FILIP1: variants seen among roughly 807,000 people sequenced by gnomAD.
FILIP1 encodes filamin-A-interacting protein 1.
A neutral mutation model predicts 102.1 loss-of-function variants in FILIP1; 61 were observed. The observed-to-expected ratio is 0.60, with a 90% confidence interval of 0.49 to 0.74. FILIP1 has a LOEUF of 0.74. Among genes scored for constraint, FILIP1 ranks in the 30% least tolerant of loss-of-function variants. The pLI is 0.00. For synonymous variants in FILIP1, 491 were observed against 526.9 expected (o/e 0.93, Z 0.93); for missense variants, 1,314 against 1,441.2 (o/e 0.91, Z 1.43).
chr6:75,406,221 A>G (rs1202838907), intron 2 of FILIP1, among the ~76,000 whole-genome samples: 1 of 152,026 alleles, frequency 6.6e-6, no homozygotes, highest in African/African-American at 2.4e-5. Flanking sequence ...GGAAAGGAGG[A>G]CCTCTTATTT....
exon 7 of FILIP1, chr6:75,293,484 G>A (rs1293241117): frequency 6.6e-6 from 1 of 152,102 alleles, no homozygotes; most frequent in Admixed American, 6.5e-5. Context: ...TTATTCATGT[G>A]TCACTCAGAT....
intron 1 of FILIP1, among the ~76,000 whole-genome samples, chr6:75,492,303 AAAT>A (rs1265283052): frequency 6.6e-6 from 1 of 152,234 alleles, no homozygotes. Flanking sequence ...ATTTGTCAAC[AAAT>A]AATATGTTAA....
chr6:75,338,725 C>T (rs1269728028), intron 4 of FILIP1, among the ~76,000 whole-genome samples: 1 of 152,092 alleles, frequency 6.6e-6, no homozygotes, highest in East Asian at 1.9e-4. Context: ...AGCAGAATTC[C>T]CAGAGTTTTT....
At chr6:75,357,448 G>C (rs567042701) in intron 3 of FILIP1, 1 of 152,360 alleles carries the variant, frequency 6.6e-6, no homozygotes, top group South Asian at 2.1e-4. Flanking sequence ...CACAGTTCTG[G>C]ACTAAGCCAC....
chr6:75,471,178 A>AAACAAAC (rs1779316542), intron 1 of FILIP1, among the ~76,000 whole-genome samples: 1 of 146,034 alleles, frequency 6.8e-6, no homozygotes, highest in African/African-American at 2.6e-5. Context: ...AAAAAAAAAA[A>AAACAAAC]AAAAAGAAAA....
At chr6:75,368,855 A>G (rs1775425377) in intron 2 of FILIP1, among the ~76,000 whole-genome samples, 1 of 152,208 alleles carries the variant, frequency 6.6e-6, no homozygotes, top group African/African-American at 2.4e-5. Flanking sequence ...GCAGCAGGAC[A>G]GCGATGGTCA....
intron 4 of FILIP1, among the ~76,000 whole-genome samples, chr6:75,352,809 G>C (rs1403984250): frequency 6.7e-6 from 1 of 149,258 alleles, no homozygotes; most frequent in East Asian, 2.0e-4. Context: ...GCAATTTGTA[G>C]AAAGACTTTT....
chr6:75,320,164 G>T (rs1773600789), intron 4 of FILIP1, among the ~76,000 whole-genome samples: 1 of 152,136 alleles, frequency 6.6e-6, no homozygotes, highest in Non-Finnish European at 1.5e-5. Flanking sequence ...TGTCTTGTTT[G>T]CCCCCTTGCG....
At chr6:75,440,079 A>G (rs1318023278) in intron 1 of FILIP1, among the ~76,000 whole-genome samples, 1 of 152,218 alleles carries the variant, frequency 6.6e-6, no homozygotes, top group Non-Finnish European at 1.5e-5. Flanking sequence ...AAAACATGTA[A>G]TAATTGCATT....
chr6:75,423,660 G>A (rs2998384), intron 1 of FILIP1, among the ~76,000 whole-genome samples: 101,020 of 151,976 alleles, frequency 0.66, 34,122 homozygotes, highest in African/African-American at 0.77. Flanking sequence ...CAACAATGCC[G>A]GACCACACAT....
intron 2 of FILIP1, chr6:75,366,094 T>C (rs1373855524): frequency 6.6e-6 from 1 of 152,228 alleles, no homozygotes; most frequent in Non-Finnish European, 1.5e-5. Context: ...GCTGGGTAAG[T>C]GTACTGAAAA....
At chr6:75,399,994 T>A (rs1038510687) in intron 2 of FILIP1, among the ~76,000 whole-genome samples, 2 of 152,076 alleles carry the variant, frequency 1.3e-5, no homozygotes, top group African/African-American at 4.8e-5. Context: ...ATCAGGACAT[T>A]AAGATGACGG....
chr6:75,297,826 TA>T (rs1772723683), intron 6 of FILIP1, among the ~76,000 whole-genome samples: 1 of 152,240 alleles, frequency 6.6e-6, no homozygotes, highest in Non-Finnish European at 1.5e-5. Context: ...AAAGCATAGA[TA>T]AAGAGTGAAA....
chr6:75,368,943 G>C (rs1775428437), intron 2 of FILIP1, among the ~76,000 whole-genome samples: 1 of 152,174 alleles, frequency 6.6e-6, no homozygotes, highest in Non-Finnish European at 1.5e-5. Flanking sequence ...TGTTGGGGCA[G>C]GCCAGGAACT....
At chr6:75,418,111 T>C (rs1264625240) in intron 1 of FILIP1, among the ~76,000 whole-genome samples, 1 of 152,182 alleles carries the variant, frequency 6.6e-6, no homozygotes, top group African/African-American at 2.4e-5. Flanking sequence ...TGCAGGAGAA[T>C]CACTTGAACC....
At chr6:75,344,286 C>T (rs1178788775) in intron 4 of FILIP1, among the ~76,000 whole-genome samples, 1 of 152,126 alleles carries the variant, frequency 6.6e-6, no homozygotes, top group Non-Finnish European at 1.5e-5. Flanking sequence ...CATGCCAGGC[C>T]ACCTCATCCA....
Position 75,336,781 on chromosome 6 carries a change from A to C in FILIP1, c.629+16758T>G, listed in dbSNP as rs147079789. Among the ~76,000 whole-genome samples the C allele has an allele frequency of 6.6e-4, 100 of 152,330 alleles. 1 individual carries two copies. Among genetic ancestry groups the C allele is most frequent in the African/African-American group, 2.3e-3 (96 of 41,582 alleles). On this transcript the variant is annotated intron_variant, in intron 4 of 5. Transcript: ENST00000237172. Reference sequence around the variant, plus strand: ...CTGTTTAATACCACTAAACGACTACATTCAAAGTTAATTTAAAACTCCACT... The same window carrying C: ...CTGTTTAATACCACTAAACGACTACCTTCAAAGTTAATTTAAAACTCCACT...
chr6:75,488,466 A>G (rs1779859996), intron 1 of FILIP1, among the ~76,000 whole-genome samples: 1 of 151,976 alleles, frequency 6.6e-6, no homozygotes, highest in Non-Finnish European at 1.5e-5. Context: ...ACATAATCCA[A>G]TATACTTTCC....
At chr6:75,358,283 CA>C in intron 3 of FILIP1, 1 of 152,200 alleles carries the variant, frequency 6.6e-6, no homozygotes, top group African/African-American at 2.4e-5. Flanking sequence ...TACTTAAAAG[CA>C]AATATGAGGT....
Sources: allele counts gnomAD v4.1 joint callset (sites outside exome capture counted in the v4.1 genomes callset), GRCh38; gene constraint gnomAD v4.1.1; transcripts MANE v1.5; gene names NCBI Gene and HGNC (gene_info 2026-07-23, HGNC 2026-07-21).